Variants in LIPH observed in about 807,000 individuals in gnomAD.
LIPH encodes lipase member H.
In LIPH, 32 loss-of-function variants were observed where a neutral mutation model predicts 47.6. The observed-to-expected ratio is 0.67, with a 90% CI of 0.51 to 0.90. The LOEUF is 0.90. Ranked by LOEUF, LIPH falls within the 40% of genes least tolerant of loss-of-function variation. The pLI, the probability that LIPH is intolerant of heterozygous loss-of-function variation, is 0.00. For missense variants in LIPH, 497 were observed against 541.4 expected (o/e 0.92, Z 0.81); for synonymous variants, 190 against 195.6 (o/e 0.97, Z 0.24).
chr3:185,510,145 C>T (rs1362911000), intron 9 of LIPH, among the ~76,000 whole-genome samples: 2 of 152,054 alleles, frequency 1.3e-5, no homozygotes, highest in African/African-American at 4.8e-5. Flanking sequence ...GACGGGGTTT[C>T]ACCACATTGG....
At chr3:185,548,132 C>T (rs1431969281) in intron 1 of LIPH, among the ~76,000 whole-genome samples, 2 of 152,156 alleles carry the variant, frequency 1.3e-5, no homozygotes, top group Non-Finnish European at 1.5e-5. Flanking sequence ...TGGGGCCGGG[C>T]GCAGTGGCTC....
Position 185,546,271 on chromosome 3 carries a change from G to A in LIPH, c.49+6152C>T, listed in dbSNP as rs192552180. On this transcript the variant is annotated intron_variant, in intron 1 of 9. Coordinates refer to ENST00000296252, the MANE Select transcript of LIPH (RefSeq NM_139248.3). The stretch of plus-strand genomic sequence containing the variant: ...GGAGGCTGAGGCAGGAGAATCGCTC[G>A]AACCCAGCAGGTGGCAGTTGTGGTG... 4.4e-4 allele frequency among the ~76,000 whole-genome samples: 67 copies of A among 151,138 alleles called. No individual in the cohort carries two copies. In the East Asian group the frequency reaches 6.7e-3, roughly 15 times the overall value.
chr3:185,521,216 C>T (rs778826407), intron 5 of LIPH, among the ~76,000 whole-genome samples: 2 of 152,144 alleles, frequency 1.3e-5, no homozygotes, highest in African/African-American at 2.4e-5. Flanking sequence ...CTGCTTTTCT[C>T]AATGTATGGA....
intron 1 of LIPH, among the ~76,000 whole-genome samples, chr3:185,545,233 T>C (rs142350306): frequency 1.3e-3 from 196 of 152,340 alleles, no homozygotes; most frequent in African/African-American, 4.5e-3. Context: ...AAAATTACAG[T>C]TGGATGAGTG....
intron 8 of LIPH, among the ~76,000 whole-genome samples, chr3:185,514,192 G>A (rs1719655199): frequency 6.6e-6 from 1 of 152,010 alleles, no homozygotes; most frequent in Non-Finnish European, 1.5e-5. Context: ...AGGAAGAAGA[G>A]AAGGAGGGAA....
chr3:185,509,957 T>G (rs1376556261), intron 9 of LIPH, among the ~76,000 whole-genome samples: 3 of 149,536 alleles, frequency 2.0e-5, no homozygotes, highest in Admixed American at 2.0e-4. Context: ...TTTTTTTTTT[T>G]TTTTTTTGAG....
At chr3:185,527,363 G>A in intron 4 of LIPH, 121 bp downstream of exon 4, 1 of 803,522 alleles carries the variant, frequency 1.2e-6, no homozygotes. Flanking sequence ...TTGGAACCCT[G>A]CCTGGAAAAA....
At chr3:185,530,820 A>T (rs923598043) in intron 3 of LIPH, among the ~76,000 whole-genome samples, 1 of 152,144 alleles carries the variant, frequency 6.6e-6, no homozygotes, top group Non-Finnish European at 1.5e-5. Context: ...GTGAGTTGTG[A>T]TTGCACCACT....
At chr3:185,544,490 GA>G (rs1364425728) in intron 1 of LIPH, among the ~76,000 whole-genome samples, 2 of 151,842 alleles carry the variant, frequency 1.3e-5, no homozygotes, top group Non-Finnish European at 2.9e-5. Context: ...AAGTAGCTAG[GA>G]TTACAGGCGC....
chr3:185,522,646 AAGAAAAAGAAAGAAAGAAAG>A (rs1429477361), intron 5 of LIPH, among the ~76,000 whole-genome samples: 2 of 120,502 alleles, frequency 1.7e-5, no homozygotes, highest in South Asian at 5.2e-4. Flanking sequence ...GAAAGAGAGA[AAGAAAAAGAAAGAAAGAAAG>A]AAAGAAAGAA....
intron 1 of LIPH, among the ~76,000 whole-genome samples, chr3:185,538,242 C>G (rs777950446): frequency 1.3e-5 from 2 of 152,196 alleles, no homozygotes; most frequent in East Asian, 3.8e-4. Context: ...CATATATTAT[C>G]TCTCATCCTC....
At chr3:185,545,069 C>T (rs1243081072) in intron 1 of LIPH, among the ~76,000 whole-genome samples, 1 of 152,182 alleles carries the variant, frequency 6.6e-6, no homozygotes, top group Non-Finnish European at 1.5e-5. Context: ...CAACAGAGCA[C>T]ATATAACCAG....
At chr3:185,542,357 C>T (rs1175887990) in intron 1 of LIPH, among the ~76,000 whole-genome samples, 2 of 151,766 alleles carry the variant, frequency 1.3e-5, no homozygotes, top group Admixed American at 1.3e-4. Context: ...TGCTCGTCGC[C>T]CAGGCTGGAG....
chr3:185,511,481 T>A, intron 9 of LIPH, 43 bp downstream of exon 9: 2 of 1,589,954 alleles, frequency 1.3e-6, no homozygotes, highest in Non-Finnish European at 1.7e-6. Flanking sequence ...TCCAGCAACA[T>A]CTTTGGAAAA....
chr3:185,544,334 CTGT>C (rs1264144194), intron 1 of LIPH, among the ~76,000 whole-genome samples: 1 of 143,388 alleles, frequency 7.0e-6, no homozygotes. Flanking sequence ...GAATTTTCCT[CTGT>C]TGTTTTTTTT....
chr3:185,506,929 A>T lies in LIPH; in HGVS notation c.*1861T>A, dbSNP rs1260539459. 1 of 150,992 alleles carries T rather than the reference A, an allele frequency of 6.6e-6. No individual in the cohort carries two copies. The highest frequency in any genetic ancestry group is 2.0e-4 in the East Asian group (1 of 5,106). The allele number at this position is 150,992 out of a possible 1,614,324, so 9.4% of individuals were successfully genotyped here. ...GGAAATGTGAGAAGGAGGAGGAAGG[A>T]TGGTAACATGTCCAAGAGCTTGTTC... On this transcript the variant is annotated 3_prime_UTR_variant, in exon 10 of 10. Coordinates refer to ENST00000296252, the MANE Select transcript of LIPH (RefSeq NM_139248.3).
rs1452018311 is a variant in LIPH at position 185,538,870 on chromosome 3, TAC to T, written c.50-3740_50-3739del. Among the ~76,000 whole-genome samples, 1,174 of 146,152 alleles carry T rather than the reference TAC, an allele frequency of 8.0e-3. 18 individuals are homozygous for T. Among genetic ancestry groups the T allele is most frequent in the African/African-American group, 0.028 (1,102 of 40,060 alleles). Reference sequence around the variant, plus strand: ...ACATATATATACATATATACATATATACACATATATATACATATATACGTATA... The same window carrying T: ...ACATATATATACATATATACATATATACATATATATACATATATACGTATA... On this transcript the variant is annotated intron_variant, in intron 1 of 9. Transcript: ENST00000296252.
intron 5 of LIPH, among the ~76,000 whole-genome samples, chr3:185,522,234 T>A (rs563259099): frequency 4.1e-4 from 63 of 152,264 alleles, no homozygotes; most frequent in Admixed American, 1.8e-3. Context: ...AAGCATGCAG[T>A]TGTTACAGCA....
intron 6 of LIPH, 143 bp downstream of exon 6, chr3:185,518,999 C>G: frequency 1.4e-6 from 1 of 714,710 alleles, no homozygotes; most frequent in Non-Finnish European, 2.5e-6. Flanking sequence ...GCTGGGATTA[C>G]AGGCATGAGC....
Sources: allele counts gnomAD v4.1 joint callset (sites outside exome capture counted in the v4.1 genomes callset), GRCh38; gene constraint gnomAD v4.1.1; transcripts MANE v1.5; gene names NCBI Gene and HGNC (gene_info 2026-07-23, HGNC 2026-07-21).